NPNT: variants seen among roughly 807,000 people sequenced by gnomAD.
NPNT encodes the protein preosteoblast EGF-like repeat protein with MAM domain.
Under a neutral mutation model 68.6 loss-of-function variants are expected in NPNT, and 45 were observed. The observed-to-expected ratio is 0.66, with a 90% CI of 0.52 to 0.84. NPNT has a LOEUF of 0.84. NPNT is among the 40% of genes least tolerant of loss of function. The probability of loss-of-function intolerance (pLI) is 0.00; values close to 1 mark genes in which losing one functional copy is unlikely to be tolerated. For synonymous variants in NPNT, 233 were observed against 253.3 expected, an observed-to-expected ratio of 0.92 and a Z score of 0.76; for missense variants, 672 against 714.8, an observed-to-expected ratio of 0.94 and a Z score of 0.68.
intron 2 of NPNT, among the ~76,000 whole-genome samples, chr4:105,899,133 T>C (rs904632240): frequency 2.0e-5 from 3 of 152,196 alleles, no homozygotes; most frequent in African/African-American, 7.2e-5. Flanking sequence ...ATGCTTGCAA[T>C]GTCTTCCTTA....
At chr4:105,903,883 C>T (rs532108493) in intron 2 of NPNT, among the ~76,000 whole-genome samples, 93 of 150,714 alleles carry the variant, frequency 6.2e-4, no homozygotes, top group African/African-American at 2.3e-3. Context: ...CTCCTGGGCT[C>T]AAGCCATCCT....
chr4:105,925,148 G>A (rs1728589436), intron 2 of NPNT, among the ~76,000 whole-genome samples: 1 of 152,072 alleles, frequency 6.6e-6, no homozygotes, highest in African/African-American at 2.4e-5. Flanking sequence ...TGTACAGTTG[G>A]CTAAAGAGTA....
At chr4:105,914,641 G>A (rs1338842479) in intron 2 of NPNT, among the ~76,000 whole-genome samples, 2 of 151,488 alleles carry the variant, frequency 1.3e-5, no homozygotes, top group East Asian at 4.0e-4. Flanking sequence ...TAAGAGGCAT[G>A]TTTTAGTATA....
intron 2 of NPNT, among the ~76,000 whole-genome samples, chr4:105,923,813 G>A (rs1377724621): frequency 6.6e-6 from 1 of 151,966 alleles, no homozygotes; most frequent in Admixed American, 6.6e-5. Flanking sequence ...AAGGAGAATA[G>A]GGAACATAGT....
chr4:105,949,004 C>T (rs1409951912), intron 8 of NPNT, among the ~76,000 whole-genome samples: 4 of 152,056 alleles, frequency 2.6e-5, no homozygotes, highest in South Asian at 2.1e-4. Flanking sequence ...ATTTGAGCAA[C>T]ACTAAAGTTA....
intron 3 of NPNT, among the ~76,000 whole-genome samples, chr4:105,934,496 A>G (rs1729362868): frequency 6.6e-6 from 1 of 152,208 alleles, no homozygotes; most frequent in Non-Finnish European, 1.5e-5. Context: ...AGTGGCTTTC[A>G]TAAGGGTCAT....
At chr4:105,934,853 C>T (rs966068254) in intron 3 of NPNT, among the ~76,000 whole-genome samples, 6 of 152,062 alleles carry the variant, frequency 3.9e-5, no homozygotes, top group Admixed American at 6.6e-5. Flanking sequence ...GCCATGGGAA[C>T]GGAAGGATAA....
intron 4 of NPNT, among the ~76,000 whole-genome samples, chr4:105,937,518 T>A (rs764222883): frequency 3.3e-5 from 5 of 151,868 alleles, no homozygotes; most frequent in Non-Finnish European, 7.4e-5. Flanking sequence ...CCATCAGGTC[T>A]GTTTTGTAAT....
chr4:105,928,345 G>A (rs1728845736), intron 3 of NPNT, among the ~76,000 whole-genome samples: 1 of 152,158 alleles, frequency 6.6e-6, no homozygotes, highest in Non-Finnish European at 1.5e-5. Flanking sequence ...CTGGCGTGGT[G>A]GCTCACACCT....
intron 8 of NPNT, among the ~76,000 whole-genome samples, chr4:105,949,975 C>T (rs959910845): frequency 2.0e-5 from 3 of 152,208 alleles, no homozygotes; most frequent in African/African-American, 7.2e-5. Context: ...TTAAACTGTT[C>T]AACTGTACTA....
At chr4:105,940,408 G>A (rs1729841804) in intron 6 of NPNT, 106 bp from the exon 7 acceptor site, 2 of 1,165,660 alleles carry the variant, frequency 1.7e-6, no homozygotes, top group East Asian at 4.8e-5. Flanking sequence ...ATATTATGTA[G>A]ATCATCACAT....
chr4:105,906,298 C>T (rs1578580885), intron 2 of NPNT, among the ~76,000 whole-genome samples: 2 of 152,308 alleles, frequency 1.3e-5, no homozygotes, highest in South Asian at 2.1e-4. Context: ...AAGACTTTCA[C>T]GTGGCCCTTT....
chr4:105,939,570 A>G (rs1191937723), intron 5 of NPNT, among the ~76,000 whole-genome samples: 1 of 152,188 alleles, frequency 6.6e-6, no homozygotes, highest in Non-Finnish European at 1.5e-5. Flanking sequence ...GTTTTAATGG[A>G]ATCATTTTGA....
intron 4 of NPNT, among the ~76,000 whole-genome samples, chr4:105,937,684 A>G (rs886931218): frequency 5.9e-5 from 9 of 152,206 alleles, no homozygotes; most frequent in African/African-American, 2.2e-4. Context: ...AGTAGGATTC[A>G]TGTTTATAAG....
intron 2 of NPNT, among the ~76,000 whole-genome samples, chr4:105,904,641 T>C (rs1726728907): frequency 6.6e-6 from 1 of 152,170 alleles, no homozygotes; most frequent in South Asian, 2.1e-4. Flanking sequence ...CCTTTAGGAA[T>C]TGCTTAATTC....
intron 11 of NPNT, among the ~76,000 whole-genome samples, chr4:105,968,341 CTT>C (rs1232904657): frequency 6.6e-6 from 1 of 152,070 alleles, no homozygotes; most frequent in East Asian, 1.9e-4. Flanking sequence ...TAGGTTTTCT[CTT>C]GTTTTATAAG....
intron 2 of NPNT, among the ~76,000 whole-genome samples, chr4:105,904,693 T>C (rs917866956): frequency 3.3e-5 from 5 of 152,168 alleles, no homozygotes; most frequent in Admixed American, 6.6e-5. Context: ...ATAATTTTTT[T>C]TTTCTTTGAG....
chr4:105,924,049 C>CA (rs1728488594), intron 2 of NPNT, among the ~76,000 whole-genome samples: 2 of 151,164 alleles, frequency 1.3e-5, no homozygotes, highest in Admixed American at 1.3e-4. Flanking sequence ...GCCCCCCCCC[C>CA]ACCACTTTGC....
intron 2 of NPNT, among the ~76,000 whole-genome samples, chr4:105,906,948 T>C (rs1450777484): frequency 6.6e-6 from 1 of 152,216 alleles, no homozygotes; most frequent in African/African-American, 2.4e-5. Flanking sequence ...TCATTTACCC[T>C]ACTGATGCTG....
Sources: allele counts gnomAD v4.1 joint callset (sites outside exome capture counted in the v4.1 genomes callset), GRCh38; gene constraint gnomAD v4.1.1; transcripts MANE v1.5; gene names NCBI Gene and HGNC (gene_info 2026-07-23, HGNC 2026-07-21).